ERCC1: variants seen among roughly 807,000 people sequenced by gnomAD.
The protein encoded by ERCC1 is DNA excision repair protein ERCC-1.
ERCC1 carries 36 observed loss-of-function variants against 37.6 expected under a neutral mutation model. That is an observed-to-expected ratio of 0.96 (90% CI 0.73 to 1.26). ERCC1 has a LOEUF of 1.26. Ranked by LOEUF, ERCC1 falls within the 50% of genes most tolerant of loss-of-function variation. The probability of loss-of-function intolerance (pLI) is 0.00; values close to 1 mark genes in which losing one functional copy is unlikely to be tolerated. For missense variants in ERCC1, 349 were observed against 376.5 expected (o/e 0.93, Z 0.60); for synonymous variants, 156 against 162.1 (o/e 0.96, Z 0.28).
Position 45,409,190 on chromosome 19 carries a change from C to G in ERCC1, c.*485G>C. The G allele has an allele frequency of 6.2e-7, 1 of 1,613,574 alleles. No individual in the cohort carries two copies. On this transcript the variant is annotated 3_prime_UTR_variant, in exon 10 of 10. Transcript: ENST00000300853. ...AGAGACAGAGGTGGTGGGGCCTGAG[C>G]TGCCGGATGACCTTGAGCCTCAGGC...
Position 45,420,250 on chromosome 19 carries a change from G to A in ERCC1, c.425+74C>T. 1.0e-6 allele frequency: 1 copy of A among 980,148 alleles called. No individual in the cohort carries two copies. The allele number at this position is 980,148 out of a possible 1,614,324, so 60.7% of individuals were successfully genotyped here. On this transcript the variant is annotated intron_variant, in intron 4 of 9. Transcript: ENST00000300853. This position sits in a 1 kb window ranked among gnomAD's most constrained non-coding sequence, Gnocchi z 4.8. ...CAGAGGCTTCTCATAGAACAGTCCA[G>A]AACACTGGGACATGACCCTCCCAGG...
At chr19:45,429,233 G>A (rs1477931376) in intron 1 of ERCC1, 1 of 152,340 alleles carries the variant, frequency 6.6e-6, no homozygotes, top group Non-Finnish European at 1.5e-5. Flanking sequence ...AGCCGAGGAG[G>A]GCAGATCACC....
In ERCC1 at chr19:45,409,889, A is replaced by ATTTTTTTT. The variant is rs1184782156; in HGVS notation, c.844-165_844-164insAAAAAAAA. 3.7e-3 allele frequency: 873 copies of ATTTTTTTT among 237,080 alleles called. 6 individuals carry two copies. The highest frequency in any genetic ancestry group is 8.8e-3 in the African/African-American group (206 of 23,462). The allele number at this position is 237,080 out of a possible 1,614,324, so 14.7% of individuals were successfully genotyped here. A position where few individuals can be genotyped will look rare whatever the true frequency, so the allele number is the denominator to read the frequency against. On this transcript the variant is annotated intron_variant, in intron 9 of 9. Coordinates refer to ENST00000300853, the MANE Select transcript of ERCC1 (RefSeq NM_001983.4). ...ACAATCTTTTTAAGTTATTATTATT[A>ATTTTTTTT]TTATTATTTTTTTTTTTTTTGAGAT...
intron 6 of ERCC1, among the ~76,000 whole-genome samples, chr19:45,416,039 G>A (rs1974050710): frequency 6.6e-6 from 1 of 152,192 alleles, no homozygotes; most frequent in Non-Finnish European, 1.5e-5. Flanking sequence ...GGAGGCTGAG[G>A]CAGGAGGACT....
chr19:45,414,177 A>T (rs1973909548), intron 7 of ERCC1, 143 bp from the exon 8 acceptor site: 9 of 714,898 alleles, frequency 1.3e-5, no homozygotes, highest in Non-Finnish European at 2.2e-5. Flanking sequence ...TTCCCAACTG[A>T]TTAAAAAGTC....
upstream of ERCC1, among the ~76,000 whole-genome samples, chr19:45,428,717 G>A (rs1974763043): frequency 6.6e-6 from 1 of 152,222 alleles, no homozygotes; most frequent in Non-Finnish European, 1.5e-5. Flanking sequence ...GGGGCGGAGA[G>A]CAGCCCGGCC....
At chr19:45,446,112 C>T (rs1229983604) in intron 1 of ERCC1, among the ~76,000 whole-genome samples, 4 of 152,018 alleles carry the variant, frequency 2.6e-5, no homozygotes, top group Non-Finnish European at 5.9e-5. Flanking sequence ...GTTGGCCAGG[C>T]TGGTCTCGAA....
chr19:45,419,323 C>A, intron 4 of ERCC1, 126 bp from the exon 5 acceptor site: 1 of 729,678 alleles, frequency 1.4e-6, no homozygotes, highest in Non-Finnish European at 2.4e-6. Flanking sequence ...TCCTGAGGCC[C>A]ACAGAGGGTA....
chr19:45,432,437 CT>C (rs995995921), intron 1 of ERCC1, among the ~76,000 whole-genome samples: 1 of 152,044 alleles, frequency 6.6e-6, no homozygotes, highest in Non-Finnish European at 1.5e-5. Flanking sequence ...CACCCAGCTA[CT>C]TTTAAATGAA....
rs1193326204 is a variant in ERCC1, at chr19:45,409,629, G to A, written c.*46C>T. On this transcript the variant is annotated 3_prime_UTR_variant, in exon 10 of 10. Transcript: ENST00000300853. ...CAGCCAGCAGGAGCCTGGCCTGGGA[G>A]GACGATTTATTATTACACTGGGGGT... 4 of 1,539,762 alleles carry A rather than the reference G, an allele frequency of 2.6e-6. No homozygotes were observed. The South Asian group carries it at 4.5e-5, about 18-fold the overall frequency.
At position 45,408,010 on chromosome 19, in the gene ERCC1, T is replaced by C. The variant is rs1291015736; in HGVS notation, c.*1665A>G. On this transcript the variant is annotated 3_prime_UTR_variant, in exon 10 of 10. Transcript: ENST00000300853. ...TGGACATTGCAGTGAGCCGAGATCA[T>C]GCCACTGCACTCCAGCCTAGGCAAC... The C allele has an allele frequency of 1.6e-6, 2 of 1,284,018 alleles. No individual in the cohort carries two copies. Among genetic ancestry groups the C allele is most frequent in the South Asian group, 1.6e-5 (1 of 60,714 alleles). 79.5% of individuals were successfully genotyped at this position (1,284,018 alleles called of 1,614,324 possible).
chr19:45,429,003 G>A (rs1032885277), intron 1 of ERCC1: 4 of 152,274 alleles, frequency 2.6e-5, no homozygotes, highest in African/African-American at 9.6e-5. Context: ...ATGGGGGGCA[G>A]TGGAGGCGCC....
intron 1 of ERCC1, among the ~76,000 whole-genome samples, chr19:45,433,618 A>T (rs1974891889): frequency 6.6e-6 from 1 of 151,112 alleles, no homozygotes; most frequent in African/African-American, 2.4e-5. Flanking sequence ...AACCCGGGAG[A>T]CAGAGGTTGC....
At position 45,409,341 on chromosome 19, in the gene ERCC1, G is replaced by C. The variant is rs201278532; in HGVS notation, c.*334C>G. 2 of 1,613,946 alleles carry C rather than the reference G, an allele frequency of 1.2e-6. No individual in the cohort carries two copies. Among genetic ancestry groups the C allele is most frequent in the Non-Finnish European group, 1.7e-6 (2 of 1,180,016 alleles). ...CAGCCTGAAGCCAGGGCAACTCCGGGATCCACCAAGAAGAGGAAGAAGCAG... is the reference window on the plus strand; with the variant it reads ...CAGCCTGAAGCCAGGGCAACTCCGGCATCCACCAAGAAGAGGAAGAAGCAG... On this transcript the variant is annotated 3_prime_UTR_variant, in exon 10 of 10. Transcript: ENST00000300853.
At chr19:45,441,285 T>C (rs1975113256) in intron 1 of ERCC1, among the ~76,000 whole-genome samples, 1 of 152,172 alleles carries the variant, frequency 6.6e-6, no homozygotes, top group Non-Finnish European at 1.5e-5. Context: ...TCCCTGAGGG[T>C]GACAGAGGTC....
intron 6 of ERCC1, chr19:45,415,697 C>T (rs1243795459): frequency 2.3e-6 from 1 of 433,544 alleles, no homozygotes; most frequent in Non-Finnish European, 4.6e-6. Flanking sequence ...CAGCCCATCC[C>T]CCGCCAAATA....
In ERCC1 at chr19:45,408,987, T is replaced by A. The variant is rs749947084; in HGVS notation, c.*688A>T. ...AAAGAAAAGGGACAGATGGCAATGA[T>A]GGAGCCAGGGACGGAGGCGATGGAG... On this transcript the variant is annotated 3_prime_UTR_variant, in exon 10 of 10. Transcript: ENST00000300853. 3.7e-5 allele frequency: 59 copies of A among 1,613,722 alleles called. No homozygotes were observed. The African/African-American group carries it at 7.6e-4, about 21-fold the overall frequency.
chr19:45,422,768 T>A (rs898972655), intron 2 of ERCC1, among the ~76,000 whole-genome samples: 14 of 151,816 alleles, frequency 9.2e-5, no homozygotes, highest in African/African-American at 2.2e-4. Context: ...AAAAAATAAA[T>A]AAATAAATAA....
In ERCC1 at chr19:45,416,828, C is replaced by G; in HGVS notation, c.595G>C (p.Ala199Pro). 2 of 1,613,054 alleles carry G rather than the reference C, an allele frequency of 1.2e-6. No individual in the cohort carries two copies. The highest frequency in any genetic ancestry group is 1.7e-6 in the Non-Finnish European group (2 of 1,179,246). Residue 199 changes from alanine to proline, a missense_variant, in exon 6 of 10, where the codon GCC becomes CCC. Coordinates refer to ENST00000300853, the MANE Select transcript of ERCC1 (RefSeq NM_001983.4). The stretch of plus-strand genomic sequence containing the variant: ...GGGAAGCCCTCATCTCACCTCCAGG[C>G]GAGGATCAATGTGCAGTCGGCCAGG... ...CILADCTLIL[A>P]WSPEEAGRYL... is the part of the protein sequence containing the mutation.
Sources: gnomAD v4.1 joint callset for allele counts (sites outside exome capture counted in the v4.1 genomes callset) on GRCh38, gnomAD v4.1.1 for gene constraint, Gnocchi (gnomAD v3.1) non-coding constraint, MANE v1.5 for transcripts, NCBI Gene and HGNC (gene_info 2026-07-23, HGNC 2026-07-21) for gene names.